Variants in KCNQ5 observed in about 807,000 individuals in gnomAD.
The protein encoded by KCNQ5 is potassium voltage-gated channel subfamily KQT member 5.
KCNQ5 carries 30 observed loss-of-function variants against 98.2 expected under a neutral mutation model. That is an observed-to-expected ratio of 0.31 (90% CI 0.23 to 0.41). The LOEUF is 0.41. KCNQ5 is among the 10% of genes least tolerant of loss of function. The pLI, the probability that KCNQ5 is intolerant of heterozygous loss-of-function variation, is 1.00. For missense variants in KCNQ5, 835 were observed against 1,182.5 expected, an observed-to-expected ratio of 0.71 and a Z score of 4.31; for synonymous variants, 458 against 449.4, an observed-to-expected ratio of 1.02 and a Z score of -0.24.
chr6:72,623,352 G>A (rs1354690844), intron 1 of KCNQ5, among the ~76,000 whole-genome samples: 1 of 151,190 alleles, frequency 6.6e-6, no homozygotes, highest in African/African-American at 2.4e-5. Context: ...CAGAGATCGG[G>A]CAGTGGGTTA....
At chr6:72,907,973 T>C (rs1779771276) in intron 1 of KCNQ5, among the ~76,000 whole-genome samples, 2 of 152,128 alleles carry the variant, frequency 1.3e-5, no homozygotes, top group South Asian at 2.1e-4. Flanking sequence ...TCAGTGGAGA[T>C]ACAGGCTTTT....
At chr6:72,852,122 A>G (rs534996534) in intron 1 of KCNQ5, among the ~76,000 whole-genome samples, 1 of 152,278 alleles carries the variant, frequency 6.6e-6, no homozygotes, top group East Asian at 1.9e-4. Flanking sequence ...CTTTAGCAAT[A>G]TTAAAGAGAA....
intron 7 of KCNQ5, among the ~76,000 whole-genome samples, chr6:73,111,655 G>A (rs866463059): frequency 6.6e-6 from 1 of 152,182 alleles, no homozygotes; most frequent in African/African-American, 2.4e-5. Context: ...TGTCAGCAAG[G>A]CCATGCAAAG....
chr6:72,689,695 C>T lies in KCNQ5; in HGVS notation c.398+67108C>T, dbSNP rs138580585. On this transcript the variant is annotated intron_variant, in intron 1 of 13. Transcript: ENST00000370398. Reference sequence around the variant, plus strand: ...ATTATTGATACTGTGGTAAAATTTACATACCTGAAATGCATTACAATTCAG... The same window carrying T: ...ATTATTGATACTGTGGTAAAATTTATATACCTGAAATGCATTACAATTCAG... Among the ~76,000 whole-genome samples, 57 of 151,960 alleles carry T rather than the reference C, an allele frequency of 3.8e-4. No homozygotes were observed. The East Asian group carries it at 9.9e-3, about 26-fold the overall frequency.
intron 3 of KCNQ5, among the ~76,000 whole-genome samples, chr6:73,058,838 A>C (rs972714838): frequency 6.6e-6 from 1 of 152,262 alleles, no homozygotes; most frequent in Non-Finnish European, 1.5e-5. Flanking sequence ...ATCTTTAGAG[A>C]AATGCAAATC....
chr6:72,735,474 AAT>A (rs776311790), intron 1 of KCNQ5, among the ~76,000 whole-genome samples: 4 of 152,186 alleles, frequency 2.6e-5, no homozygotes, highest in Non-Finnish European at 5.9e-5. Context: ...TTTTGTATAC[AAT>A]AGAGTACTAC....
intron 3 of KCNQ5, among the ~76,000 whole-genome samples, chr6:73,043,579 C>T (rs1771818568): frequency 6.6e-6 from 1 of 152,190 alleles, no homozygotes; most frequent in Non-Finnish European, 1.5e-5. Context: ...TGATGTGAAA[C>T]TACTGCACAA....
intron 1 of KCNQ5, among the ~76,000 whole-genome samples, chr6:72,672,365 T>A (rs1767167519): frequency 6.6e-6 from 1 of 152,094 alleles, no homozygotes; most frequent in Non-Finnish European, 1.5e-5. Context: ...CCCAAAGTGA[T>A]GGGATTACAG....
chr6:73,196,670 A>C lies in KCNQ5; in HGVS notation c.*1256A>C, dbSNP rs1394134032. 1.3e-5 allele frequency: 2 copies of C among 152,142 alleles called. No homozygotes were observed. The highest frequency in any genetic ancestry group is 2.9e-5 in the Non-Finnish European group (2 of 68,034). The allele number at this position is 152,142 out of a possible 1,614,324, so 9.4% of individuals were successfully genotyped here. A position where few individuals can be genotyped will look rare whatever the true frequency, so the allele number is the denominator to read the frequency against. On this transcript the variant is annotated 3_prime_UTR_variant, in exon 14 of 14. Coordinates refer to ENST00000370398, the MANE Select transcript of KCNQ5 (RefSeq NM_019842.4). ...CCTTTACTTTTTATACTGTAGTGAA[A>C]ATTTTCTATTCTTCCCAAGAATGTT...
chr6:72,829,617 C>T (rs1776148269), intron 1 of KCNQ5, among the ~76,000 whole-genome samples: 1 of 152,104 alleles, frequency 6.6e-6, no homozygotes, highest in Non-Finnish European at 1.5e-5. Flanking sequence ...AGACATGTGC[C>T]CAAAATGCTA....
rs146749639 is a variant in KCNQ5, at chr6:73,151,383, T to C, written c.1468+17742T>C. On this transcript the variant is annotated intron_variant, in intron 10 of 13. Transcript: ENST00000370398. ...TTTGAATACTGTTTACTTTCTATTC[T>C]GGTAAATGAAGATTTCACTCTTTTT... Among the ~76,000 whole-genome samples, 3 of 152,352 alleles carry C rather than the reference T, an allele frequency of 2.0e-5. No individual in the cohort carries two copies. In the East Asian group the frequency reaches 5.8e-4, roughly 29 times the overall value.
chr6:72,735,989 A>T (rs1026936161), intron 1 of KCNQ5, among the ~76,000 whole-genome samples: 10 of 152,012 alleles, frequency 6.6e-5, no homozygotes, highest in Admixed American at 5.2e-4. Context: ...TCAAAACTGG[A>T]TATTTATTTT....
chr6:72,753,295 T>A (rs1771777875), intron 1 of KCNQ5, among the ~76,000 whole-genome samples: 1 of 152,118 alleles, frequency 6.6e-6, no homozygotes, highest in Admixed American at 6.6e-5. Context: ...TTATTTCTTA[T>A]ATTTTTGAGT....
At chr6:73,065,992 C>T (rs1423546949) in intron 3 of KCNQ5, among the ~76,000 whole-genome samples, 1 of 152,062 alleles carries the variant, frequency 6.6e-6, no homozygotes, top group African/African-American at 2.4e-5. Flanking sequence ...CCCAAAAATA[C>T]AAAATTAGCC....
At chr6:72,830,107 T>C (rs1259030905) in intron 1 of KCNQ5, among the ~76,000 whole-genome samples, 4 of 152,164 alleles carry the variant, frequency 2.6e-5, no homozygotes, top group Non-Finnish European at 5.9e-5. Context: ...TGGAAGAACA[T>C]TCCATGCTCA....
chr6:72,775,689 G>A (rs1341653920), intron 1 of KCNQ5, among the ~76,000 whole-genome samples: 2 of 152,184 alleles, frequency 1.3e-5, no homozygotes, highest in African/African-American at 4.8e-5. Context: ...TTGGCATGAT[G>A]TGATGAGAAT....
At position 72,864,567 on chromosome 6, in the gene KCNQ5, G is replaced by T. The variant is rs536132563; in HGVS notation, c.399-139341G>T. Among the ~76,000 whole-genome samples, 8 of 152,272 alleles carry T rather than the reference G, an allele frequency of 5.3e-5. No homozygotes were observed. In the South Asian group the frequency reaches 1.7e-3, roughly 32 times the overall value. ...TGATATTTTTATTAAATATTAAAATGTTAGCAGTAGCCAAAGCTTGAGTGA... is the reference window on the plus strand; with the variant it reads ...TGATATTTTTATTAAATATTAAAATTTTAGCAGTAGCCAAAGCTTGAGTGA... On this transcript the variant is annotated intron_variant, in intron 1 of 13. Transcript: ENST00000370398.
chr6:72,659,141 C>A (rs1489980483), intron 1 of KCNQ5, among the ~76,000 whole-genome samples: 1 of 152,188 alleles, frequency 6.6e-6, no homozygotes, highest in Non-Finnish European at 1.5e-5. Flanking sequence ...TTATTCTGCA[C>A]AATATAATTT....
intron 1 of KCNQ5, among the ~76,000 whole-genome samples, chr6:72,695,852 G>A (rs1225652035): frequency 6.6e-6 from 1 of 152,102 alleles, no homozygotes; most frequent in African/African-American, 2.4e-5. Context: ...CTTGTGCCCA[G>A]AAGCTCAAGG....
Sources: allele counts gnomAD v4.1 joint callset (sites outside exome capture counted in the v4.1 genomes callset), GRCh38; gene constraint gnomAD v4.1.1; transcripts MANE v1.5; gene names NCBI Gene and HGNC (gene_info 2026-07-23, HGNC 2026-07-21).